GNA15: variants seen among roughly 807,000 people sequenced by gnomAD.
GNA15 encodes G protein subunit alpha 15.
Under a neutral mutation model 40.1 loss-of-function variants are expected in GNA15, and 23 were observed. The observed-to-expected ratio is 0.57, with a 90% CI of 0.41 to 0.81. The LOEUF (loss-of-function observed/expected upper bound fraction) is 0.81. Among genes scored for constraint, GNA15 ranks in the 40% least tolerant of loss-of-function variants. GNA15 has a pLI of 0.00. For missense variants in GNA15, 522 were observed against 515.8 expected, an observed-to-expected ratio of 1.01 and a Z score of -0.12; for synonymous variants, 226 against 210.4, an observed-to-expected ratio of 1.07 and a Z score of -0.64.
chr19:3,140,211 G>T (rs1259134780), intron 1 of GNA15, among the ~76,000 whole-genome samples: 1 of 152,010 alleles, frequency 6.6e-6, no homozygotes, highest in Non-Finnish European at 1.5e-5. Context: ...TTGATCATTT[G>T]TGTCTTTCAA....
intron 6 of GNA15, 83 bp downstream of exon 6, chr19:3,157,964 C>T (rs1029001947): frequency 2.7e-6 from 3 of 1,098,550 alleles, no homozygotes; most frequent in East Asian, 2.4e-5. Flanking sequence ...TCTACTTCAG[C>T]CTGGAGTCAC....
In GNA15 at chr19:3,147,547, TAAAA is replaced by T. The variant is rs60721859; in HGVS notation, c.146-1038_146-1035del. On this transcript the variant is annotated intron_variant, in intron 1 of 6. Coordinates refer to ENST00000262958, the MANE Select transcript of GNA15 (RefSeq NM_002068.4). Reference sequence around the variant, plus strand: ...CAGCCTGGGCAACAGAGAATCTGTCTAAAAAAAAAGAAAAAAAGAAAAAAGAAAA... The same window carrying T: ...CAGCCTGGGCAACAGAGAATCTGTCTAAAAAGAAAAAAAGAAAAAAGAAAA... 3.6e-3 allele frequency among the ~76,000 whole-genome samples: 184 copies of T among 51,514 alleles called. 1 individual carries two copies. In the Middle Eastern group the frequency reaches 0.048, roughly 13 times the overall value. 33.8% of individuals were successfully genotyped at this position (51,514 alleles called of 152,430 possible).
intron 4 of GNA15, among the ~76,000 whole-genome samples, chr19:3,153,308 G>T (rs1336207940): frequency 6.6e-6 from 1 of 151,928 alleles, no homozygotes; most frequent in East Asian, 1.9e-4. Flanking sequence ...TGGATGAATG[G>T]GTGGATGGAT....
rs1395054270 is a variant in GNA15 at position 3,157,759 on chromosome 19, G to T, written c.776G>T (p.Gly259Val). 1 of 1,613,870 alleles carries T rather than the reference G, an allele frequency of 6.2e-7. No homozygotes were observed. Among genetic ancestry groups the T allele is most frequent in the Admixed American group, 1.7e-5 (1 of 59,994 alleles). Residue 259 changes from glycine to valine, a missense_variant, in exon 6 of 7, where the codon GGG (glycine) becomes GTG (valine). By Grantham distance (109) the Gly-to-Val change is moderately radical. Coordinates refer to ENST00000262958, the MANE Select transcript of GNA15 (RefSeq NM_002068.4). ...NRMKESLALF[G>V]TILELPWFKS... ...ATGAAGGAGAGCCTCGCATTGTTTGGGACTATCCTGGAACTACCCTGGTTC... is the reference window on the plus strand; with the variant it reads ...ATGAAGGAGAGCCTCGCATTGTTTGTGACTATCCTGGAACTACCCTGGTTC...
At chr19:3,142,874 A>T (rs1688122) in intron 1 of GNA15, among the ~76,000 whole-genome samples, 70,334 of 151,480 alleles carry the variant, frequency 0.46, 16,658 homozygotes, top group African/African-American at 0.51. Context: ...TCTATATCAA[A>T]AAATAAAAAT....
chr19:3,149,942 G>A, intron 2 of GNA15, 189 bp from the exon 3 acceptor site: 1 of 551,000 alleles, frequency 1.8e-6, no homozygotes, highest in Non-Finnish European at 3.2e-6. Flanking sequence ...TTTTCCCTCT[G>A]GGGATCCATG....
At chr19:3,139,011 T>A (rs1018112031) in intron 1 of GNA15, among the ~76,000 whole-genome samples, 6 of 148,068 alleles carry the variant, frequency 4.1e-5, no homozygotes, top group African/African-American at 1.5e-4. Context: ...AGTGGTGAGA[T>A]CTCAGCTCAC....
Position 3,148,742 on chromosome 19 carries a change from G to T in GNA15, c.297G>T (p.Arg99=), listed in dbSNP as rs750478752. 1 of 1,603,082 alleles carries T rather than the reference G, an allele frequency of 6.2e-7. No homozygotes were observed. Among genetic ancestry groups the T allele is most frequent in the African/African-American group, 1.3e-5 (1 of 74,760 alleles). Residue 99 remains arginine (R), a synonymous_variant, in exon 2 of 7, where the codon CGG becomes CGT. Coordinates refer to ENST00000262958, the MANE Select transcript of GNA15 (RefSeq NM_002068.4). ...SMRAMIEAME[R]LQIPFSRPES... is the part of the protein sequence containing the mutation. ...GGGCCATGATCGAGGCCATGGAGCG[G>T]CTGCAGATTCCATTCAGCAGGCCCG...
chr19:3,149,595 AAC>A (rs148294226), intron 2 of GNA15: 3,730 of 157,236 alleles, frequency 0.024, 65 homozygotes, highest in Middle Eastern at 0.096. Flanking sequence ...TACATGAACA[AAC>A]ACAGAGAAAT....
rs1843424597 is a variant in GNA15 at position 3,155,912 on chromosome 19, TGAGTG to T, written c.705_709del (p.Ser236IlefsTer65). ...ATCGCCCTCATCTACCTGGCCTCAC[TGAGTG>T]AATACGACCAGTGCCTGGAGGAGAA... On this transcript the variant is annotated frameshift_variant, in exon 5 of 7. Coordinates refer to ENST00000262958, the MANE Select transcript of GNA15 (RefSeq NM_002068.4). LOFTEE classifies it high-confidence loss of function. The surrounding 1 kb of genome is among the most constrained non-coding windows in gnomAD (Gnocchi z 5.6). The T allele has an allele frequency of 1.2e-6, 2 of 1,613,742 alleles. No individual in the cohort carries two copies. Among genetic ancestry groups the T allele is most frequent in the South Asian group, 2.2e-5 (2 of 91,078 alleles).
intron 1 of GNA15, among the ~76,000 whole-genome samples, chr19:3,145,347 A>ATG (rs1914688219): frequency 3.2e-5 from 1 of 31,372 alleles, no homozygotes; most frequent in Admixed American, 2.8e-4. Context: ...ATATATATAT[A>ATG]TATATATATA....
intron 4 of GNA15, among the ~76,000 whole-genome samples, chr19:3,154,048 G>T: frequency 6.7e-6 from 1 of 148,308 alleles, no homozygotes; most frequent in Non-Finnish European, 1.5e-5. Flanking sequence ...TAAATGGGTG[G>T]ACAGGCAGGT....
Position 3,163,112 on chromosome 19 carries a change from G to A in GNA15, c.*93G>A. The A allele has an allele frequency of 1.3e-6, 1 of 796,822 alleles. No individual in the cohort carries two copies. The highest frequency in any genetic ancestry group is 2.9e-4 in the Middle Eastern group (1 of 3,424). 49.4% of individuals were successfully genotyped at this position (796,822 alleles called of 1,614,324 possible). On this transcript the variant is annotated 3_prime_UTR_variant, in exon 7 of 7. Transcript: ENST00000262958. ...CTAGTGTCCCTGGTCTATCTCTCCA[G>A]CCTCGGCCCACACGCAAGGGAGTCG...
rs115417983 is a variant in GNA15, at chr19:3,136,391, G to A, written c.-60G>A. 1,308 of 1,514,164 alleles carry A rather than the reference G, an allele frequency of 8.6e-4. 6 individuals carry two copies. The African/African-American group carries it at 0.016, about 18-fold the overall frequency. The allele number at this position is 1,514,164 out of a possible 1,614,324, so 93.8% of individuals were successfully genotyped here. On this transcript the variant is annotated 5_prime_UTR_variant, in exon 1 of 7. Coordinates refer to ENST00000262958, the MANE Select transcript of GNA15 (RefSeq NM_002068.4). The surrounding 1 kb of genome is among the most constrained non-coding windows in gnomAD (Gnocchi z 4.9). ...TCCAGGGCCGGCTGGGCTGGGGGTT[G>A]CCCTGGCCAGCAGGGGCCCGGGGGC...
At chr19:3,152,968 T>C (rs1025131811) in intron 4 of GNA15, among the ~76,000 whole-genome samples, 2 of 152,086 alleles carry the variant, frequency 1.3e-5, no homozygotes, top group African/African-American at 2.4e-5. Flanking sequence ...TAGAAGTTGG[T>C]AAATGTGGGT....
chr19:3,144,225 C>T (rs1914645451), intron 1 of GNA15, among the ~76,000 whole-genome samples: 2 of 151,988 alleles, frequency 1.3e-5, no homozygotes, highest in African/African-American at 4.8e-5. Flanking sequence ...CAGTCAAGGG[C>T]CAGCAAGCTC....
intron 5 of GNA15, among the ~76,000 whole-genome samples, 198 bp downstream of exon 5, chr19:3,156,150 G>C (rs889511181): frequency 1.1e-4 from 16 of 146,286 alleles, no homozygotes; most frequent in African/African-American, 4.2e-4. Flanking sequence ...GCATTTGTTT[G>C]GTCAGGACCC....
At chr19:3,160,797 TC>T (rs1915123473) in intron 6 of GNA15, among the ~76,000 whole-genome samples, 1 of 152,104 alleles carries the variant, frequency 6.6e-6, no homozygotes, top group African/African-American at 2.4e-5. Flanking sequence ...TGGCCTACAA[TC>T]CTTAGCTTGT....
chr19:3,162,337 G>T (rs553522884), intron 6 of GNA15, among the ~76,000 whole-genome samples: 6 of 151,410 alleles, frequency 4.0e-5, no homozygotes, highest in African/African-American at 9.7e-5. Flanking sequence ...CTACTGCCAA[G>T]ATTGCACCAT....
Sources: gnomAD v4.1 joint callset for allele counts (sites outside exome capture counted in the v4.1 genomes callset) on GRCh38, gnomAD v4.1.1 for gene constraint, Gnocchi (gnomAD v3.1) non-coding constraint, MANE v1.5 for transcripts, NCBI Gene and HGNC (gene_info 2026-07-23, HGNC 2026-07-21) for gene names.